The following SRP54 variants were observed in gnomAD, a reference collection of about 807,000 sequenced individuals.
SRP54 encodes signal recognition particle 54.
A neutral mutation model predicts 64.8 loss-of-function variants in SRP54; 10 were observed. The observed-to-expected ratio is 0.15, with a 90% confidence interval of 0.10 to 0.26. The LOEUF (loss-of-function observed/expected upper bound fraction) is 0.26, where lower values mean the gene tolerates loss of function less well. Ranked by LOEUF, SRP54 falls within the 10% of genes least tolerant of loss-of-function variation. SRP54 has a pLI of 1.00. For synonymous variants in SRP54, 193 were observed against 185.6 expected (o/e 1.04, Z -0.32); for missense variants, 325 against 613.7 (o/e 0.53, Z 4.97).
At chr14:35,003,848 C>T (rs368726012) in intron 4 of SRP54, among the ~76,000 whole-genome samples, 10 of 151,614 alleles carry the variant, frequency 6.6e-5, no homozygotes, top group Non-Finnish European at 1.2e-4. Flanking sequence ...GTGGGAGAAT[C>T]GCTTGAATCC....
At chr14:35,013,698 C>G (rs2044390128) in intron 9 of SRP54, 104 bp from the exon 10 acceptor site, 2 of 1,150,668 alleles carry the variant, frequency 1.7e-6, no homozygotes, top group Non-Finnish European at 2.5e-6. Flanking sequence ...AGTTTTGTAC[C>G]TTTGTCTAAT....
intron 13 of SRP54, among the ~76,000 whole-genome samples, chr14:35,019,694 C>T (rs535931322): frequency 6.6e-6 from 1 of 152,256 alleles, no homozygotes; most frequent in East Asian, 1.9e-4. Flanking sequence ...TAAAGGCATG[C>T]CTCAGAGATA....
chr14:34,983,730 A>G (rs915602746), intron 1 of SRP54, among the ~76,000 whole-genome samples: 4 of 152,208 alleles, frequency 2.6e-5, no homozygotes, highest in Admixed American at 6.5e-5. Context: ...TCTTCATGCT[A>G]TCCTCACCTG....
At chr14:35,028,285 A>AGG in intron 15 of SRP54, 102 bp downstream of exon 15, 1 of 701,162 alleles carries the variant, frequency 1.4e-6, no homozygotes, top group South Asian at 2.5e-5. Flanking sequence ...TATGTTCAAA[A>AGG]GGTGTGTGAT....
At chr14:35,002,968 A>G (rs1271039692) in intron 4 of SRP54, among the ~76,000 whole-genome samples, 1 of 142,128 alleles carries the variant, frequency 7.0e-6, no homozygotes, top group Non-Finnish European at 1.5e-5. Context: ...CTGGTCTTGA[A>G]CTCCTGACCT....
chr14:35,003,572 GTT>G (rs35642565), intron 4 of SRP54, among the ~76,000 whole-genome samples: 30 of 134,550 alleles, frequency 2.2e-4, no homozygotes, highest in Middle Eastern at 3.6e-3. Flanking sequence ...GGTTTTTTTG[GTT>G]TTTTTTTTTT....
rs779349015 is a variant in SRP54, at chr14:34,999,688, A to G, written c.170+39A>G. 2.8e-6 allele frequency: 4 copies of G among 1,428,168 alleles called. No homozygotes were observed. The South Asian group carries it at 4.6e-5, about 17-fold the overall frequency. 88.5% of individuals were successfully genotyped at this position (1,428,168 alleles called of 1,614,324 possible). ...ATCAGGTAAAACACAGGCACAGTTT[A>G]GTTTAGTTTACTGGAAAGAGGTGCT... On this transcript the variant is annotated intron_variant, in intron 3 of 15. Transcript: ENST00000216774.
At chr14:34,996,587 T>G in intron 1 of SRP54, 90 bp from the exon 2 acceptor site, 1 of 717,826 alleles carries the variant, frequency 1.4e-6, no homozygotes, top group East Asian at 2.5e-5. Context: ...ATCTAAACAC[T>G]AGAGTAATTT....
At chr14:35,022,429 T>C (rs1051037859) in intron 13 of SRP54, among the ~76,000 whole-genome samples, 1 of 152,068 alleles carries the variant, frequency 6.6e-6, no homozygotes, top group African/African-American at 2.4e-5. Context: ...CAATCTTGGC[T>C]CACTGCAACC....
chr14:35,023,596 C>A (rs532588576), intron 14 of SRP54, among the ~76,000 whole-genome samples: 4 of 152,118 alleles, frequency 2.6e-5, no homozygotes. Flanking sequence ...CCAGCCTGGC[C>A]AGCATGGTGA....
intron 14 of SRP54, 99 bp downstream of exon 14, chr14:35,023,179 A>G (rs1013774604): frequency 3.1e-6 from 3 of 969,782 alleles, no homozygotes; most frequent in South Asian, 1.8e-5. Flanking sequence ...GCTGAATTTC[A>G]TGTTATTTTC....
intron 15 of SRP54, 152 bp downstream of exon 15, chr14:35,028,335 T>C: frequency 3.8e-6 from 2 of 526,232 alleles, no homozygotes; most frequent in Non-Finnish European, 6.7e-6. Context: ...TTGAATTCAA[T>C]TGTAATAGGG....
intron 11 of SRP54, among the ~76,000 whole-genome samples, chr14:35,016,236 C>T (rs897717895): frequency 6.6e-6 from 1 of 152,228 alleles, no homozygotes; most frequent in Non-Finnish European, 1.5e-5. Context: ...TTTCATACTA[C>T]AGCCCAGAAT....
Position 35,028,134 on chromosome 14 carries a change from G to A in SRP54, c.1374G>A (p.Leu458=), listed in dbSNP as rs1439246064. 6.2e-7 allele frequency: 1 copy of A among 1,612,954 alleles called. No homozygotes were observed. The highest frequency in any genetic ancestry group is 1.3e-5 in the African/African-American group (1 of 74,826). Residue 458 remains leucine, a synonymous_variant, in exon 15 of 16, where the codon TTG becomes TTA. Coordinates refer to ENST00000216774, the MANE Select transcript of SRP54 (RefSeq NM_003136.4). ...TGAGCCAGTCACAGATGGCAAAATT[G>A]AACCAACAAATGGCCAAAATGATGG... The part of the protein sequence containing the change: ...KNVSQSQMAK[L]NQQMAKMMDP...
At chr14:35,023,787 AACACACACACACACACACACAC>A (rs57037784) in intron 14 of SRP54, among the ~76,000 whole-genome samples, 6 of 140,268 alleles carry the variant, frequency 4.3e-5, no homozygotes, top group African/African-American at 8.0e-5. Flanking sequence ...CCGGTCCCCA[AACACACACACACACACACACAC>A]ACACACACAC....
intron 1 of SRP54, among the ~76,000 whole-genome samples, chr14:34,992,416 A>T (rs1381761324): frequency 3.3e-5 from 5 of 152,214 alleles, no homozygotes; most frequent in Non-Finnish European, 7.3e-5. Flanking sequence ...ACAACCAGTT[A>T]ACATGGAAAG....
At chr14:35,001,081 C>A in intron 4 of SRP54, 61 bp downstream of exon 4, 2 of 718,244 alleles carry the variant, frequency 2.8e-6, no homozygotes, top group Non-Finnish European at 2.2e-6. Flanking sequence ...AGCGTTAGCA[C>A]TACAAATATT....
chr14:35,011,092 GTT>G (rs774135661), intron 7 of SRP54, among the ~76,000 whole-genome samples: 11 of 145,578 alleles, frequency 7.6e-5, no homozygotes, highest in African/African-American at 2.8e-4. Flanking sequence ...ATGCCAGCTA[GTT>G]TTTTTTTTTT....
chr14:35,026,182 ATT>A (rs1555355748), intron 14 of SRP54, among the ~76,000 whole-genome samples: 3 of 64,864 alleles, frequency 4.6e-5, no homozygotes, highest in Non-Finnish European at 7.0e-5. Context: ...TTGTTTTTTT[ATT>A]TATTGTTGTT....
Sources: allele counts gnomAD v4.1 joint callset (sites outside exome capture counted in the v4.1 genomes callset), GRCh38; gene constraint gnomAD v4.1.1; transcripts MANE v1.5; gene names NCBI Gene and HGNC (gene_info 2026-07-23, HGNC 2026-07-21).